Variants in SP4 observed in about 807,000 individuals in gnomAD.
The protein encoded by SP4 is Sp4 transcription factor.
A neutral mutation model predicts 72.8 loss-of-function variants in SP4; 19 were observed. The observed-to-expected ratio is 0.26, with a 90% CI of 0.18 to 0.38. The LOEUF (loss-of-function observed/expected upper bound fraction) is 0.38. SP4 is among the 10% of genes least tolerant of loss of function. The probability of loss-of-function intolerance (pLI) is 1.00; values close to 1 mark genes in which losing one functional copy is unlikely to be tolerated. For missense variants in SP4, 1,008 were observed against 926.3 expected (o/e 1.09, Z -1.14); for synonymous variants, 395 against 333.1 (o/e 1.19, Z -2.02).
At position 21,514,610 on chromosome 7, in the gene SP4, T is replaced by A. The variant is rs1198717724; in HGVS notation, c.*3341T>A. 6.6e-6 allele frequency: 1 copy of A among 152,196 alleles called. No individual in the cohort carries two copies. Among genetic ancestry groups the A allele is most frequent in the African/African-American group, 2.4e-5 (1 of 41,434 alleles). The allele number at this position is 152,196 out of a possible 1,614,324, so 9.4% of individuals were successfully genotyped here. On this transcript the variant is annotated 3_prime_UTR_variant, in exon 6 of 6. Coordinates refer to ENST00000222584, the MANE Select transcript of SP4 (RefSeq NM_003112.5). ...TATTCTAGAATTTAGACAATTATTC[T>A]GCCAGCAAAGCCTCTGGGGCTGTAA...
chr7:21,429,628 C>G lies in SP4; in HGVS notation c.463C>G (p.Gln155Glu). The G allele has an allele frequency of 1.2e-6, 2 of 1,614,076 alleles. No individual in the cohort carries two copies. Among genetic ancestry groups the G allele is most frequent in the Non-Finnish European group, 1.7e-6 (2 of 1,179,932 alleles). Residue 155 changes from glutamine (Q) to glutamate (E), a missense_variant, in exon 3 of 6, where the codon CAA becomes GAA. Around this residue, in one of 3 missense-constraint regions of SP4, gnomAD observed 893 missense variants for 743.3 expected, o/e 1.20. Coordinates refer to ENST00000222584, the MANE Select transcript of SP4 (RefSeq NM_003112.5). ...CACCCCTGGTCAATTTCAAGTCATACAAGTACAAAATCCAAGTGGTAGTGT... is the reference window on the plus strand; with the variant it reads ...CACCCCTGGTCAATTTCAAGTCATAGAAGTACAAAATCCAAGTGGTAGTGT... ...SSTPGQFQVI[Q>E]VQNPSGSVQY...
chr7:21,436,926 A>T (rs781644066), intron 3 of SP4, among the ~76,000 whole-genome samples: 1 of 152,158 alleles, frequency 6.6e-6, no homozygotes, highest in Non-Finnish European at 1.5e-5. Flanking sequence ...ACCCTCTTAT[A>T]TTTGATGGCA....
chr7:21,445,990 G>A (rs1192790088), intron 3 of SP4, among the ~76,000 whole-genome samples: 1 of 9,520 alleles, frequency 1.1e-4, no homozygotes, highest in Non-Finnish European at 1.5e-4. Flanking sequence ...TTATGTGTAT[G>A]TGTGTGTGTG....
Position 21,429,456 on chromosome 7 carries a change from T to G in SP4, c.291T>G (p.Leu97=). ...PQQLELVTTQ[L]AGNAWQLVAS... is the part of the protein sequence containing the mutation. ...AGCTAGAACTGGTAACAACGCAACTTGCTGGAAACGCTTGGCAACTTGTTG... is the reference window on the plus strand; with the variant it reads ...AGCTAGAACTGGTAACAACGCAACTGGCTGGAAACGCTTGGCAACTTGTTG... Residue 97 remains leucine (L), a synonymous_variant, in exon 3 of 6, where the codon CTT becomes CTG. Coordinates refer to ENST00000222584, the MANE Select transcript of SP4 (RefSeq NM_003112.5). 6.2e-7 allele frequency: 1 copy of G among 1,614,192 alleles called. No individual in the cohort carries two copies. The highest frequency in any genetic ancestry group is 8.5e-7 in the Non-Finnish European group (1 of 1,180,036).
intron 3 of SP4, among the ~76,000 whole-genome samples, chr7:21,453,232 A>T (rs146436622): frequency 1.5e-4 from 23 of 152,276 alleles, no homozygotes; most frequent in African/African-American, 5.5e-4. Context: ...CTTTATATTC[A>T]TGAACATTTC....
Position 21,472,010 on chromosome 7 carries a change from T to A in SP4, c.1679-5069T>A, listed in dbSNP as rs138696379. 9.2e-3 allele frequency among the ~76,000 whole-genome samples: 1,402 copies of A among 152,130 alleles called. 26 individuals are homozygous for A. The highest frequency in any genetic ancestry group is 0.032 in the African/African-American group (1,312 of 41,512). On this transcript the variant is annotated intron_variant, in intron 3 of 5. Coordinates refer to ENST00000222584, the MANE Select transcript of SP4 (RefSeq NM_003112.5). ...ATGACTTCCAAATTTTCTATTTGAA[T>A]GGTGAAAAAGAGCTATATTAGGAAA...
At chr7:21,429,254 C>G in intron 2 of SP4, 35 bp from the exon 3 acceptor site, 5 of 933,512 alleles carry the variant, frequency 5.4e-6, no homozygotes, top group Non-Finnish European at 6.0e-6. Flanking sequence ...CTTTTTTTCC[C>G]CCCCCCCTCT....
At chr7:21,434,142 G>A (rs1782968800) in intron 3 of SP4, among the ~76,000 whole-genome samples, 3 of 152,118 alleles carry the variant, frequency 2.0e-5, no homozygotes, top group African/African-American at 7.2e-5. Flanking sequence ...CAGGAGAATG[G>A]TATTGTTTAA....
chr7:21,443,122 A>G (rs2128395337), intron 3 of SP4, among the ~76,000 whole-genome samples: 2 of 152,330 alleles, frequency 1.3e-5, no homozygotes. Context: ...TCATGTGAGT[A>G]GAGTCTGTGT....
chr7:21,430,544 C>G lies in SP4; in HGVS notation c.1379C>G (p.Thr460Ser), dbSNP rs371441033. ...NPTQVLIRAP[T>S]LTPSGQISWQ... ...ACTCAGGTGCTTATCAGGGCTCCAA[C>G]TTTAACACCTTCAGGGCAAATCAGT... The change falls in exon 3 of 6, where the codon ACT (threonine) becomes AGT (serine). Residue 460 changes from threonine (T) to serine (S), a missense_variant. This residue lies in a region of SP4 where 893 missense variants were observed against 743.3 expected (regional missense o/e 1.20). Transcript: ENST00000222584. 1.8e-5 allele frequency: 29 copies of G among 1,614,120 alleles called. No individual in the cohort carries two copies. The African/African-American group carries it at 3.7e-4, about 21-fold the overall frequency.
chr7:21,477,224 G>A lies in SP4; in HGVS notation c.1824G>A (p.Gln608=). Residue 608 remains glutamine (Q), a synonymous_variant, in exon 4 of 6, where the codon CAG becomes CAA. Coordinates refer to ENST00000222584, the MANE Select transcript of SP4 (RefSeq NM_003112.5). The stretch of plus-strand genomic sequence containing the variant: ...AAGTGCATTTGCAGCAAGGCCAGCA[G>A]ACTTCTGATCAAGAGGTACAACCTG... ...LTQVHLQQGQ[Q]TSDQEVQPGK... is the part of the protein sequence containing the mutation. 1.2e-6 allele frequency: 2 copies of A among 1,614,210 alleles called. No homozygotes were observed. The highest frequency in any genetic ancestry group is 1.7e-6 in the Non-Finnish European group (2 of 1,180,030).
At chr7:21,432,873 G>T (rs1438587786) in intron 3 of SP4, among the ~76,000 whole-genome samples, 1 of 152,156 alleles carries the variant, frequency 6.6e-6, no homozygotes, top group East Asian at 1.9e-4. Context: ...GCACACCTGT[G>T]GTCTCAGCGT....
intron 3 of SP4, among the ~76,000 whole-genome samples, chr7:21,476,063 G>C (rs1336652174): frequency 6.6e-6 from 1 of 151,976 alleles, no homozygotes; most frequent in Non-Finnish European, 1.5e-5. Context: ...CTGAGGTCAG[G>C]AGTTTGAGAC....
At chr7:21,500,521 G>A (rs1781837273) in intron 5 of SP4, among the ~76,000 whole-genome samples, 1 of 152,172 alleles carries the variant, frequency 6.6e-6, no homozygotes, top group African/African-American at 2.4e-5. Context: ...CCTTACTGAA[G>A]ACCCTGGGGA....
chr7:21,470,925 TA>T (rs1212134631), intron 3 of SP4: 23 of 400,168 alleles, frequency 5.7e-5, no homozygotes, highest in East Asian at 6.1e-5. Flanking sequence ...TTTGAGTTAT[TA>T]AAAAAATTAT....
Position 21,461,695 on chromosome 7 carries a change from A to G in SP4, c.1679-15384A>G, listed in dbSNP as rs534098927. Among the ~76,000 whole-genome samples the G allele has an allele frequency of 7.2e-5, 11 of 152,290 alleles. No homozygotes were observed. The East Asian group carries it at 1.9e-3, about 27-fold the overall frequency. On this transcript the variant is annotated intron_variant, in intron 3 of 5. Coordinates refer to ENST00000222584, the MANE Select transcript of SP4 (RefSeq NM_003112.5). Reference sequence around the variant, plus strand: ...GCCAGCCCGGAGAAGGGCTCCCACGATGCAGCGGTGGGCTGAAGGGCTCCT... The same window carrying G: ...GCCAGCCCGGAGAAGGGCTCCCACGGTGCAGCGGTGGGCTGAAGGGCTCCT...
intron 4 of SP4, among the ~76,000 whole-genome samples, chr7:21,481,348 A>G (rs1185060654): frequency 6.6e-6 from 1 of 152,212 alleles, no homozygotes; most frequent in Non-Finnish European, 1.5e-5. Context: ...GGGAGGAAGT[A>G]GGGAAGGGGA....
intron 2 of SP4, among the ~76,000 whole-genome samples, 176 bp from the exon 3 acceptor site, chr7:21,429,113 C>A (rs1020598917): frequency 3.3e-5 from 5 of 151,886 alleles, no homozygotes; most frequent in African/African-American, 1.2e-4. Context: ...GGACTTGCTT[C>A]CTTATTCATA....
At chr7:21,499,070 A>T (rs952449837) in intron 5 of SP4, among the ~76,000 whole-genome samples, 25 of 125,490 alleles carry the variant, frequency 2.0e-4, no homozygotes, top group Admixed American at 6.6e-4. Flanking sequence ...ATGGAGCAAG[A>T]CTCTGTCTCA....
Sources: gnomAD v4.1 joint callset for allele counts (sites outside exome capture counted in the v4.1 genomes callset) on GRCh38, gnomAD v4.1.1 for gene constraint, gnomAD v4.1.1 regional missense constraint, MANE v1.5 for transcripts, NCBI Gene and HGNC (gene_info 2026-07-23, HGNC 2026-07-21) for gene names.